The following DMD variants were observed in gnomAD, a reference collection of about 807,000 sequenced individuals.
The protein encoded by DMD is mutant dystrophin.
A neutral mutation model predicts 330.1 loss-of-function variants in DMD; 63 were observed. The observed-to-expected ratio is 0.19, with a 90% CI of 0.16 to 0.24. The LOEUF is 0.24. Among genes scored for constraint, DMD ranks in the 10% least tolerant of loss-of-function variants. The probability of loss-of-function intolerance (pLI) is 1.00; values close to 1 mark genes in which losing one functional copy is unlikely to be tolerated. For missense variants in DMD, 3,344 were observed against 2,684.1 expected, an observed-to-expected ratio of 1.25 and a Z score of -5.43; for synonymous variants, 1,223 against 959.8, an observed-to-expected ratio of 1.27 and a Z score of -5.07.
chrX:31,484,668 C>T (rs1276402518), intron 57 of DMD, among the ~76,000 whole-genome samples: 1 of 112,082 alleles, frequency 8.9e-6, no homozygotes, highest in Non-Finnish European at 1.9e-5. Flanking sequence ...TATGCTACTA[C>T]ACTATTATAG....
chrX:32,943,205 G>A (rs758493406), intron 2 of DMD, among the ~76,000 whole-genome samples: 1 of 111,306 alleles, frequency 9.0e-6, no homozygotes, highest in Non-Finnish European at 1.9e-5. Context: ...AAGAACTTAT[G>A]AAGTAAAAAT....
intron 57 of DMD, among the ~76,000 whole-genome samples, chrX:31,483,105 G>GGC (rs2068466553): frequency 1.0e-5 from 1 of 99,347 alleles, no homozygotes; most frequent in Admixed American, 1.1e-4. Flanking sequence ...GGAGTGCAGT[G>GGC]GCGCAATCTC....
chrX:31,565,366 C>T (rs1004270406), intron 55 of DMD, among the ~76,000 whole-genome samples: 2 of 111,531 alleles, frequency 1.8e-5, no homozygotes, highest in Admixed American at 9.5e-5. Context: ...CACTTCAAGA[C>T]GGCTATATAA....
intron 44 of DMD, among the ~76,000 whole-genome samples, chrX:32,163,576 A>T (rs1191306610): frequency 2.7e-5 from 3 of 111,972 alleles, no homozygotes; most frequent in Non-Finnish European, 1.9e-5. Flanking sequence ...CATGTATCAA[A>T]ATAGGGGTAG....
chrX:32,812,392 G>T (rs2077435716), intron 6 of DMD, among the ~76,000 whole-genome samples: 1 of 112,367 alleles, frequency 8.9e-6, no homozygotes, highest in African/African-American at 3.2e-5. Flanking sequence ...CAGCACTTTG[G>T]GAGGCCGAGA....
At chrX:32,204,668 G>A (rs1173054656) in intron 44 of DMD, among the ~76,000 whole-genome samples, 3 of 110,490 alleles carry the variant, frequency 2.7e-5, no homozygotes, top group Non-Finnish European at 5.7e-5. Context: ...AAAAAGAAAA[G>A]GGGTTTTCTT....
intron 7 of DMD, among the ~76,000 whole-genome samples, chrX:32,735,615 A>G (rs1348950795): frequency 9.0e-6 from 1 of 111,203 alleles, no homozygotes; most frequent in African/African-American, 3.3e-5. Flanking sequence ...AACGCCGCAT[A>G]TCTACCACTA....
At position 32,851,806 on chromosome X, in the gene DMD, G is replaced by A. The variant is rs149238427; in HGVS notation, c.94-1986C>T. ...GAACCCAGTGCTGCCCTGTCACAGTGGGAAGCAACACAGGGCAGAATTCAT... is the reference window on the plus strand; with the variant it reads ...GAACCCAGTGCTGCCCTGTCACAGTAGGAAGCAACACAGGGCAGAATTCAT... On this transcript the variant is annotated intron_variant, in intron 2 of 78. Transcript: ENST00000357033. Among the ~76,000 whole-genome samples the A allele has an allele frequency of 6.5e-3, 726 of 111,798 alleles. 4 individuals carry two copies. The highest frequency in any genetic ancestry group is 0.022 in the African/African-American group (684 of 30,733).
At chrX:32,122,311 C>A (rs1423111550) in intron 44 of DMD, among the ~76,000 whole-genome samples, 4 of 111,907 alleles carry the variant, frequency 3.6e-5, no homozygotes, top group Non-Finnish European at 7.5e-5. Context: ...GTTACTGGAC[C>A]AGCAACTCTG....
chrX:32,815,305 C>CA (rs113244283), intron 6 of DMD, among the ~76,000 whole-genome samples: 1,103 of 69,433 alleles, frequency 0.016, 7 homozygotes, highest in East Asian at 0.059. Flanking sequence ...GTAGAGTGGT[C>CA]AAAAAAAAAA....
chrX:31,543,057 C>T (rs1392865553), intron 55 of DMD, among the ~76,000 whole-genome samples: 1 of 112,516 alleles, frequency 8.9e-6, no homozygotes, highest in African/African-American at 3.2e-5. Context: ...CTAGCTCATT[C>T]CCCTTTGGGC....
chrX:33,012,628 T>C (rs903561297), intron 2 of DMD, among the ~76,000 whole-genome samples: 1 of 111,450 alleles, frequency 9.0e-6, no homozygotes, highest in African/African-American at 3.3e-5. Flanking sequence ...AAACCGTATT[T>C]TGAGTACCCA....
At chrX:32,459,941 T>C (rs2098377310) in intron 25 of DMD, among the ~76,000 whole-genome samples, 1 of 111,416 alleles carries the variant, frequency 9.0e-6, no homozygotes. Flanking sequence ...CTTTTCATTC[T>C]GTTTACTGTT....
intron 4 of DMD, among the ~76,000 whole-genome samples, chrX:32,826,800 A>C (rs1343499897): frequency 9.0e-6 from 1 of 110,867 alleles, no homozygotes; most frequent in Non-Finnish European, 1.9e-5. Flanking sequence ...TTTGGTTAAT[A>C]ACAATATTGT....
At chrX:33,090,465 C>T (rs2095070589) in intron 1 of DMD, among the ~76,000 whole-genome samples, 1 of 108,325 alleles carries the variant, frequency 9.2e-6, no homozygotes, top group Non-Finnish European at 1.9e-5. Flanking sequence ...CTCATGGCTG[C>T]TCTGTGTCCA....
At chrX:31,907,238 G>A (rs1170525439) in intron 47 of DMD, among the ~76,000 whole-genome samples, 1 of 111,279 alleles carries the variant, frequency 9.0e-6, no homozygotes, top group Non-Finnish European at 1.9e-5. Flanking sequence ...CCAATAAAGG[G>A]TATATTATCA....
intron 1 of DMD, among the ~76,000 whole-genome samples, chrX:33,037,023 G>C: frequency 9.0e-6 from 1 of 111,053 alleles, no homozygotes; most frequent in Non-Finnish European, 1.9e-5. Context: ...ATGTGACAGA[G>C]AGTCCTGGAA....
At chrX:32,883,621 G>A (rs942571902) in intron 2 of DMD, among the ~76,000 whole-genome samples, 5 of 108,945 alleles carry the variant, frequency 4.6e-5, no homozygotes, top group African/African-American at 1.7e-4. Flanking sequence ...TCAGGAGTTC[G>A]AGACCACCCT....
In DMD at chrX:32,806,953, G is replaced by A. The variant is rs574638403; in HGVS notation, c.649+2540C>T. ...GGACACAGCTAAAGCAGTGTTGAGAGGGAAATTTACAGCACTAAATGCCCA... is the reference window on the plus strand; with the variant it reads ...GGACACAGCTAAAGCAGTGTTGAGAAGGAAATTTACAGCACTAAATGCCCA... On this transcript the variant is annotated intron_variant, in intron 7 of 78. Coordinates refer to ENST00000357033, the MANE Select transcript of DMD (RefSeq NM_004006.3). Among the ~76,000 whole-genome samples, 8 of 108,720 alleles carry A rather than the reference G, an allele frequency of 7.4e-5. No individual in the cohort carries two copies. In the South Asian group the frequency reaches 3.2e-3, roughly 43 times the overall value. The allele number at this position is 108,720 out of a possible 115,157, so 94.4% of individuals were successfully genotyped here. A position where few individuals can be genotyped will look rare whatever the true frequency, so the allele number is the denominator to read the frequency against.
Sources: allele counts gnomAD v4.1 joint callset (sites outside exome capture counted in the v4.1 genomes callset), GRCh38; gene constraint gnomAD v4.1.1; transcripts MANE v1.5; gene names NCBI Gene and HGNC (gene_info 2026-07-23, HGNC 2026-07-21).